Variants in AGBL4 observed in about 807,000 individuals in gnomAD.
The protein encoded by AGBL4 is AGBL carboxypeptidase 4, also known as cytosolic carboxypeptidase 6.
In AGBL4, 58 loss-of-function variants were observed where a neutral mutation model predicts 66.4. The observed-to-expected ratio is 0.87, with a 90% CI of 0.71 to 1.09. The LOEUF (loss-of-function observed/expected upper bound fraction) is 1.09, where lower values mean the gene tolerates loss of function less well. Among genes scored for constraint, AGBL4 ranks in the 50% least tolerant of loss-of-function variants. AGBL4 has a pLI of 0.00. For synonymous variants in AGBL4, 234 were observed against 222.9 expected (o/e 1.05, Z -0.44); for missense variants, 579 against 631.0 (o/e 0.92, Z 0.88).
rs1322287203 is a variant in AGBL4, at chr1:48,549,051, ACCTGCTC to A, written c.1268-9320_1268-9314del. On this transcript the variant is annotated intron_variant, in intron 11 of 13. Coordinates refer to ENST00000371839, the MANE Select transcript of AGBL4 (RefSeq NM_032785.4). ...TTCCAAATAAGAAAATTGAATTCCT[ACCTGCTC>A]CCTGTTTGGAAACTCCCACCTAGAA... is the stretch of plus-strand genomic sequence containing the variant. 3.3e-5 allele frequency among the ~76,000 whole-genome samples: 5 copies of A among 152,016 alleles called. No homozygotes were observed. The South Asian group carries it at 6.2e-4, about 19-fold the overall frequency.
chr1:49,461,113 C>A (rs1221491569), intron 3 of AGBL4, among the ~76,000 whole-genome samples: 1 of 151,586 alleles, frequency 6.6e-6, no homozygotes, highest in African/African-American at 2.4e-5. Flanking sequence ...CCCAGGTGTT[C>A]TTTGAGGTTC....
At chr1:48,570,223 G>T (rs945987872) in intron 11 of AGBL4, among the ~76,000 whole-genome samples, 1 of 152,224 alleles carries the variant, frequency 6.6e-6, no homozygotes, top group Non-Finnish European at 1.5e-5. Flanking sequence ...TCACCTTCCG[G>T]TGAAGAGGTA....
rs529582507 is a variant in AGBL4, at chr1:49,469,097, TC to T, written c.283-223234del. On this transcript the variant is annotated intron_variant, in intron 3 of 13. Transcript: ENST00000371839. ...TTATACATTTCCCTTTTCACCTATT[TC>T]TTTATGCATATGATTCATCTGCTCA... Among the ~76,000 whole-genome samples the T allele has an allele frequency of 3.9e-5, 6 of 151,930 alleles. No individual in the cohort carries two copies. The East Asian group carries it at 1.2e-3, about 29-fold the overall frequency.
chr1:49,995,067 G>A (rs767876525), intron 1 of AGBL4: 8 of 453,258 alleles, frequency 1.8e-5, no homozygotes, highest in Non-Finnish European at 3.5e-5. Flanking sequence ...ATTGGGGAAA[G>A]ACTACAGGGA....
At chr1:49,213,041 T>C (rs758484968) in intron 4 of AGBL4, among the ~76,000 whole-genome samples, 9 of 152,160 alleles carry the variant, frequency 5.9e-5, no homozygotes, top group Admixed American at 1.3e-4. Context: ...CATTTATTCT[T>C]TTAAACAATA....
chr1:49,119,763 C>T (rs1645611943), intron 4 of AGBL4, among the ~76,000 whole-genome samples: 1 of 151,434 alleles, frequency 6.6e-6, no homozygotes, highest in African/African-American at 2.4e-5. Flanking sequence ...TGTTACCCTG[C>T]TGTCTTGTTG....
the AGBL4 span, among the ~76,000 whole-genome samples, chr1:48,527,400 T>C: frequency 6.6e-6 from 1 of 151,630 alleles, no homozygotes; most frequent in Admixed American, 6.6e-5. Context: ...ATCAGGACAA[T>C]CCTGGCCAAC....
At chr1:49,592,386 C>T (rs1036758813) in intron 3 of AGBL4, among the ~76,000 whole-genome samples, 1 of 152,202 alleles carries the variant, frequency 6.6e-6, no homozygotes, top group Non-Finnish European at 1.5e-5. Flanking sequence ...GCCTTGCCAA[C>T]ATGGCGAAAT....
At chr1:49,068,140 T>G (rs1644526300) in intron 4 of AGBL4, among the ~76,000 whole-genome samples, 1 of 152,222 alleles carries the variant, frequency 6.6e-6, no homozygotes, top group Non-Finnish European at 1.5e-5. Context: ...GATATAAAGG[T>G]GGATAAGACT....
chr1:48,943,504 C>A (rs180748057), intron 5 of AGBL4, among the ~76,000 whole-genome samples: 2 of 152,168 alleles, frequency 1.3e-5, no homozygotes, highest in Non-Finnish European at 2.9e-5. Context: ...GGTCCTTATA[C>A]CCCCACATAC....
chr1:48,524,077 T>C, the AGBL4 span, among the ~76,000 whole-genome samples: 1 of 152,320 alleles, frequency 6.6e-6, no homozygotes, highest in South Asian at 2.1e-4. Context: ...TGTGTGACTG[T>C]ATTTCACAGC....
At chr1:49,864,652 G>C (rs1646657354) in intron 1 of AGBL4, among the ~76,000 whole-genome samples, 1 of 152,174 alleles carries the variant, frequency 6.6e-6, no homozygotes, top group Non-Finnish European at 1.5e-5. Context: ...TTTTTCCACT[G>C]ATCTGTGCAA....
At chr1:49,275,607 G>A (rs1196163611) in intron 3 of AGBL4, among the ~76,000 whole-genome samples, 1 of 152,004 alleles carries the variant, frequency 6.6e-6, no homozygotes, top group African/African-American at 2.4e-5. Context: ...AGTAAAAATG[G>A]GAACTAGAGA....
chr1:49,201,809 C>T (rs1178060536), intron 4 of AGBL4, among the ~76,000 whole-genome samples: 1 of 152,080 alleles, frequency 6.6e-6, no homozygotes, highest in East Asian at 1.9e-4. Flanking sequence ...CCTGCCTTCC[C>T]AAAGGGCTGG....
chr1:49,645,929 G>A (rs1407411678), intron 3 of AGBL4, among the ~76,000 whole-genome samples: 1 of 151,330 alleles, frequency 6.6e-6, no homozygotes, highest in East Asian at 1.9e-4. Context: ...AAACCCATAT[G>A]ATTACCTAAA....
At chr1:48,866,151 A>G (rs770644107) in intron 6 of AGBL4, among the ~76,000 whole-genome samples, 9 of 152,162 alleles carry the variant, frequency 5.9e-5, no homozygotes, top group Non-Finnish European at 1.0e-4. Context: ...TAGACCAGAT[A>G]ATTGCTAGGA....
At chr1:49,583,572 C>G (rs530715812) in intron 3 of AGBL4, among the ~76,000 whole-genome samples, 1 of 152,120 alleles carries the variant, frequency 6.6e-6, no homozygotes, top group East Asian at 1.9e-4. Context: ...TCTTATGGGT[C>G]TGAGCTCATA....
intron 3 of AGBL4, among the ~76,000 whole-genome samples, chr1:49,522,973 G>T (rs1052438334): frequency 6.6e-6 from 1 of 152,014 alleles, no homozygotes; most frequent in East Asian, 1.9e-4. Context: ...CAGAGAAGGT[G>T]GTAGGGTATA....
intron 5 of AGBL4, among the ~76,000 whole-genome samples, chr1:48,974,550 G>T (rs966055463): frequency 1.3e-5 from 2 of 152,140 alleles, no homozygotes; most frequent in African/African-American, 4.8e-5. Context: ...AGTCTAGTTA[G>T]ATTCCCATAA....
Sources: allele counts gnomAD v4.1 joint callset (sites outside exome capture counted in the v4.1 genomes callset), GRCh38; gene constraint gnomAD v4.1.1; transcripts MANE v1.5; gene names NCBI Gene and HGNC (gene_info 2026-07-23, HGNC 2026-07-21).